DLG3: variants seen among roughly 807,000 people sequenced by gnomAD.
DLG3 encodes the protein discs large MAGUK scaffold protein 3, also known as disks large homolog 3.
Under a neutral mutation model 64.1 loss-of-function variants are expected in DLG3, and 1 was observed. That is an observed-to-expected ratio of 0.02 (90% confidence interval 0.01 to 0.07). The LOEUF (loss-of-function observed/expected upper bound fraction) is 0.07. DLG3 is among the 10% of genes least tolerant of loss of function. The probability of loss-of-function intolerance (pLI) is 1.00; values close to 1 mark genes in which losing one functional copy is unlikely to be tolerated. For synonymous variants in DLG3, 245 were observed against 259.8 expected (o/e 0.94, Z 0.55); for missense variants, 429 against 669.5 (o/e 0.64, Z 3.96).
rs1423815390 is a variant in DLG3 at position 70,503,529 on chromosome X, C to T, written c.*1260C>T. On this transcript the variant is annotated 3_prime_UTR_variant, in exon 19 of 19. Transcript: ENST00000374360. ...CAGGGACAGGGAGTCACTTGCCTTC[C>T]AGTTCTGTGCTGGGATGGCGGGACA... 1 of 111,089 alleles carries T rather than the reference C, an allele frequency of 9.0e-6. No homozygotes were observed. The highest frequency in any genetic ancestry group is 1.9e-5 in the Non-Finnish European group (1 of 53,011). The allele number at this position is 111,089 out of a possible 1,213,427, so 9.2% of individuals were successfully genotyped here. A position where few individuals can be genotyped will look rare whatever the true frequency, so the allele number is the denominator to read the frequency against.
At chrX:70,447,578 G>C (rs1023844001) in intron 1 of DLG3, among the ~76,000 whole-genome samples, 1 of 112,074 alleles carries the variant, frequency 8.9e-6, no homozygotes, top group Non-Finnish European at 1.9e-5. Flanking sequence ...AGGTGGGACG[G>C]GGGAAGCACA....
In DLG3 at chrX:70,445,309, C is replaced by G; in HGVS notation, c.108C>G (p.Pro36=). 1 of 1,166,058 alleles carries G rather than the reference C, an allele frequency of 8.6e-7. No homozygotes were observed. Among genetic ancestry groups the G allele is most frequent in the Non-Finnish European group, 1.1e-6 (1 of 874,011 alleles). ...EPPGYGDWQV[P]DPYGPGGGNG... is the part of the protein sequence containing the mutation. ...CGGGCTACGGCGACTGGCAAGTCCC[C>G]GACCCTTACGGGCCAGGTGGGGGCA... is the stretch of plus-strand genomic sequence containing the variant. Residue 36 remains proline, a synonymous_variant, in exon 1 of 19, where the codon CCC becomes CCG. Transcript: ENST00000374360.
chrX:70,484,793 CTT>C (rs1195051687), intron 10 of DLG3, among the ~76,000 whole-genome samples: 2 of 111,710 alleles, frequency 1.8e-5, no homozygotes, highest in Admixed American at 9.5e-5. Flanking sequence ...AGGCCTGACA[CTT>C]TGAGACAGAC....
At chrX:70,491,570 A>C (rs1017352285) in intron 10 of DLG3, among the ~76,000 whole-genome samples, 4 of 112,313 alleles carry the variant, frequency 3.6e-5, no homozygotes, top group Admixed American at 2.8e-4. Context: ...AAGAGACCGC[A>C]CTAGGTGACT....
intron 7 of DLG3, chrX:70,453,331 T>C: frequency 7.6e-6 from 2 of 262,563 alleles, no homozygotes; most frequent in Non-Finnish European, 1.4e-5. Context: ...GACCAGTGAG[T>C]GGGCCTGAGA....
intron 9 of DLG3, among the ~76,000 whole-genome samples, chrX:70,472,070 C>T (rs1449065555): frequency 1.8e-5 from 2 of 112,142 alleles, no homozygotes; most frequent in Admixed American, 1.9e-4. Flanking sequence ...CCATTACTTC[C>T]CCTTCCCCTG....
chrX:70,501,550 C>T (rs2087563882), intron 18 of DLG3, among the ~76,000 whole-genome samples: 1 of 110,815 alleles, frequency 9.0e-6, no homozygotes, highest in Non-Finnish European at 1.9e-5. Context: ...GTGCCGAATC[C>T]ATTCTAGCTG....
chrX:70,466,469 T>C (rs1353341381), intron 9 of DLG3, among the ~76,000 whole-genome samples: 31 of 107,820 alleles, frequency 2.9e-4, no homozygotes, highest in African/African-American at 1.0e-3. Flanking sequence ...GATTGAGTCT[T>C]GCTCTGTTGC....
At chrX:70,446,319 G>C (rs1186159711) in intron 1 of DLG3, among the ~76,000 whole-genome samples, 3 of 110,086 alleles carry the variant, frequency 2.7e-5, no homozygotes. Context: ...AGGCAAGGGA[G>C]GGGAGAGGAA....
chrX:70,479,249 G>A lies in DLG3; in HGVS notation c.1505G>A (p.Arg502Lys). 4 of 1,207,041 alleles carry A rather than the reference G, an allele frequency of 3.3e-6. No homozygotes were observed. The highest frequency in any genetic ancestry group is 3.4e-6 in the Non-Finnish European group (3 of 891,014). ...GGGTCCCTCCGAACAAGTGAAAAGA[G>A]GTCCTTGTATGTCAGGTAAGTTGCC... ...GSGSLRTSEK[R>K]SLYVRALFDY... The change falls in exon 10 of 19, where the codon AGG becomes AAG. Residue 502 changes from arginine (R) to lysine (K), a missense_variant. Transcript: ENST00000374360.
chrX:70,452,097 C>A (rs2086624858), intron 7 of DLG3, 71 bp downstream of exon 7: 1 of 1,159,188 alleles, frequency 8.6e-7, no homozygotes, highest in Non-Finnish European at 1.2e-6. Flanking sequence ...CGTTTCTGGC[C>A]GGCCACAGGC....
chrX:70,449,519 G>A (rs748763126), intron 3 of DLG3, 36 bp downstream of exon 3: 1 of 1,200,498 alleles, frequency 8.3e-7, no homozygotes, highest in Non-Finnish European at 1.1e-6. Flanking sequence ...TGGGTGGCAG[G>A]GACAGGATCG....
At chrX:70,450,977 T>C (rs2086610941) in intron 6 of DLG3, 194 bp downstream of exon 6, 1 of 501,566 alleles carries the variant, frequency 2.0e-6, no homozygotes, top group African/African-American at 2.4e-5. Flanking sequence ...TCGTGAAGAC[T>C]TGCCATAGAG....
Position 70,498,620 on chromosome X carries a change from G to A in DLG3, c.1870+50G>A, listed in dbSNP as rs758440362. 3.6e-6 allele frequency: 4 copies of A among 1,118,283 alleles called. No homozygotes were observed. The Admixed American group carries it at 9.6e-5, about 27-fold the overall frequency. 92.2% of individuals were successfully genotyped at this position (1,118,283 alleles called of 1,213,427 possible). On this transcript the variant is annotated intron_variant, in intron 14 of 18. Transcript: ENST00000374360. ...CTTCGTGCTGGTCTCCTGGTCGTGGGGCTCAATACAGTGGGTGGCTGTGGC... is the reference window on the plus strand; with the variant it reads ...CTTCGTGCTGGTCTCCTGGTCGTGGAGCTCAATACAGTGGGTGGCTGTGGC...
intron 9 of DLG3, among the ~76,000 whole-genome samples, chrX:70,469,655 C>G (rs1330336739): frequency 1.8e-5 from 2 of 110,203 alleles, no homozygotes. Flanking sequence ...ACCATGTTGG[C>G]CAGGCTGGTC....
rs6653174 is a variant in DLG3 at position 70,458,295 on chromosome X, G to A, written c.1405+3979G>A. Among the ~76,000 whole-genome samples the A allele has an allele frequency of 6.4e-3, 713 of 111,593 alleles. 6 individuals carry two copies. The highest frequency in any genetic ancestry group is 0.022 in the African/African-American group (676 of 30,747). On this transcript the variant is annotated intron_variant, in intron 9 of 18. Transcript: ENST00000374360. ...TCAAAGTGCTGGGATCACCGCTCCC[G>A]GCCTAGAACATTTTCCTTACCCCTC...
chrX:70,484,947 G>A lies in DLG3; in HGVS notation c.1520+5683G>A, dbSNP rs184083112. Among the ~76,000 whole-genome samples, 8 of 112,184 alleles carry A rather than the reference G, an allele frequency of 7.1e-5. No individual in the cohort carries two copies. In the East Asian group the frequency reaches 2.0e-3, roughly 27 times the overall value. ...TGTGCTGTTAGGCTGCTCTTCAGAG[G>A]CTGCTGGAAATTTAATTCTTACTAA... On this transcript the variant is annotated intron_variant, in intron 10 of 18. Transcript: ENST00000374360.
chrX:70,456,654 A>G (rs1241194897), intron 9 of DLG3, among the ~76,000 whole-genome samples: 1 of 111,462 alleles, frequency 9.0e-6, no homozygotes, highest in Non-Finnish European at 1.9e-5. Context: ...TTCTCTTAGG[A>G]TTTAGGTGAA....
intron 9 of DLG3, among the ~76,000 whole-genome samples, chrX:70,470,110 A>G (rs1042366793): frequency 8.9e-6 from 1 of 112,498 alleles, no homozygotes; most frequent in African/African-American, 3.2e-5. Flanking sequence ...ACTCAAGGTC[A>G]AGAAGATACA....
Sources: gnomAD v4.1 joint callset for allele counts (sites outside exome capture counted in the v4.1 genomes callset) on GRCh38, gnomAD v4.1.1 for gene constraint, MANE v1.5 for transcripts, NCBI Gene and HGNC (gene_info 2026-07-23, HGNC 2026-07-21) for gene names.